Variants in AR observed in about 807,000 individuals in gnomAD.
AR encodes androgen receptor.
In AR, 8 loss-of-function variants were observed where a neutral mutation model predicts 53.9. The ratio of observed to expected loss-of-function variants is 0.15; its 90% CI spans 0.09 to 0.27. The LOEUF (loss-of-function observed/expected upper bound fraction) is 0.27, where lower values mean the gene tolerates loss of function less well. Ranked by LOEUF, AR falls within the 10% of genes least tolerant of loss-of-function variation. AR has a pLI of 1.00. For synonymous variants in AR, 359 were observed against 316.4 expected (o/e 1.13, Z -1.43); for missense variants, 639 against 742.5 (o/e 0.86, Z 1.62).
At chrX:67,595,674 C>T (rs1051829346) in intron 1 of AR, among the ~76,000 whole-genome samples, 8 of 106,211 alleles carry the variant, frequency 7.5e-5, no homozygotes, top group Non-Finnish European at 1.5e-4. Context: ...AATAGCCAGG[C>T]GTGATGGTGC....
chrX:67,594,810 G>C (rs950866909), intron 1 of AR, among the ~76,000 whole-genome samples: 8 of 111,243 alleles, frequency 7.2e-5, no homozygotes, highest in African/African-American at 2.6e-4. Flanking sequence ...TTAGCTAGGC[G>C]TTGTGGTACG....
intron 2 of AR, among the ~76,000 whole-genome samples, chrX:67,667,143 T>A (rs1416426127): frequency 1.8e-5 from 2 of 111,913 alleles, no homozygotes; most frequent in Non-Finnish European, 3.8e-5. Context: ...CAGATTAATG[T>A]TCTGGAGAGT....
chrX:67,628,807 G>T (rs952124969), intron 1 of AR, among the ~76,000 whole-genome samples: 18 of 111,380 alleles, frequency 1.6e-4, no homozygotes, highest in Admixed American at 1.2e-3. Context: ...TTAAAATACG[G>T]CCCATCAATA....
At chrX:67,660,628 A>T (rs1926850017) in intron 2 of AR, among the ~76,000 whole-genome samples, 1 of 111,569 alleles carries the variant, frequency 9.0e-6, no homozygotes, top group African/African-American at 3.3e-5. Flanking sequence ...CTTGTAGTAT[A>T]GTTTGAAGTC....
intron 1 of AR, among the ~76,000 whole-genome samples, chrX:67,641,188 T>C (rs1293253815): frequency 2.7e-5 from 3 of 111,867 alleles, no homozygotes; most frequent in Admixed American, 1.9e-4. Flanking sequence ...TTGCCACTTA[T>C]TATTAATAGA....
At chrX:67,658,358 G>A (rs1178481037) in intron 2 of AR, among the ~76,000 whole-genome samples, 1 of 112,243 alleles carries the variant, frequency 8.9e-6, no homozygotes, top group African/African-American at 3.2e-5. Flanking sequence ...AGAAGCAGAG[G>A]AAGGGATAGT....
intron 2 of AR, among the ~76,000 whole-genome samples, chrX:67,675,445 C>A (rs190555643): frequency 4.5e-5 from 5 of 111,725 alleles, no homozygotes; most frequent in African/African-American, 1.6e-4. Flanking sequence ...CCCACAGTGA[C>A]AGGGCTTGCC....
chrX:67,651,301 C>A (rs1360125818), intron 2 of AR, among the ~76,000 whole-genome samples: 1 of 109,185 alleles, frequency 9.2e-6, no homozygotes, highest in Non-Finnish European at 1.9e-5. Context: ...CCCACCTCAG[C>A]CTCCCAAAGT....
At chrX:67,602,751 C>T (rs1923434579) in intron 1 of AR, among the ~76,000 whole-genome samples, 3 of 111,238 alleles carry the variant, frequency 2.7e-5, no homozygotes, top group African/African-American at 9.8e-5. Context: ...TGATTGACAC[C>T]TTGATTTTGG....
intron 3 of AR, among the ~76,000 whole-genome samples, chrX:67,698,520 G>T (rs892259297): frequency 8.9e-6 from 1 of 112,643 alleles, no homozygotes; most frequent in African/African-American, 3.2e-5. Context: ...ACTTGTGAAG[G>T]TATTTGAGTT....
chrX:67,550,664 A>T (rs1436576248), intron 1 of AR, among the ~76,000 whole-genome samples: 3 of 109,404 alleles, frequency 2.7e-5, no homozygotes, highest in Non-Finnish European at 5.7e-5. Context: ...AATAAAAAAA[A>T]AAAAAACCAA....
chrX:67,727,440 T>C lies in AR; in HGVS notation c.*3599T>C, dbSNP rs1219761665. ...TCCATACTCTACTTCTAAATACATA[T>C]AGGCATACATAGCAAGTTTTATTTG... On this transcript the variant is annotated 3_prime_UTR_variant, in exon 8 of 8. Transcript: ENST00000374690. The C allele has an allele frequency of 5.9e-6, 1 of 169,838 alleles. No individual in the cohort carries two copies. The highest frequency in any genetic ancestry group is 1.1e-5 in the Non-Finnish European group (1 of 88,559). 14.0% of individuals were successfully genotyped at this position (169,838 alleles called of 1,213,427 possible). A position where few individuals can be genotyped will look rare whatever the true frequency, so the allele number is the denominator to read the frequency against.
At chrX:67,675,492 C>T (rs953482622) in intron 2 of AR, among the ~76,000 whole-genome samples, 3 of 111,453 alleles carry the variant, frequency 2.7e-5, no homozygotes, top group Non-Finnish European at 3.8e-5. Flanking sequence ...GGACAATTTG[C>T]GTCTGATTAG....
intron 1 of AR, among the ~76,000 whole-genome samples, chrX:67,552,861 T>A (rs886123304): frequency 1.8e-5 from 2 of 112,308 alleles, no homozygotes; most frequent in African/African-American, 6.5e-5. Flanking sequence ...TCTATTTGGA[T>A]CCTTTGCTCA....
intron 3 of AR, chrX:67,694,596 C>T (rs1037105274): frequency 5.8e-5 from 66 of 1,137,124 alleles, no homozygotes; most frequent in East Asian, 1.3e-4. Context: ...CTGTCTTAGG[C>T]ATCTGATTAT....
chrX:67,659,456 G>A (rs1394122658), intron 2 of AR, among the ~76,000 whole-genome samples: 1 of 110,961 alleles, frequency 9.0e-6, no homozygotes, highest in Non-Finnish European at 1.9e-5. Flanking sequence ...CTGTGAGTGA[G>A]AACATGCGGT....
intron 1 of AR, among the ~76,000 whole-genome samples, chrX:67,561,928 GTTTTTTTTTTTTTTTT>G (rs757161392): frequency 2.6e-5 from 2 of 78,271 alleles, no homozygotes; most frequent in East Asian, 7.6e-4. Flanking sequence ...AACGAAAGAG[GTTTTTTTTTTTTTTTT>G]TTTTTTTTTT....
intron 1 of AR, among the ~76,000 whole-genome samples, chrX:67,606,983 G>A (rs1022105986): frequency 1.8e-5 from 2 of 111,893 alleles, no homozygotes; most frequent in Non-Finnish European, 3.8e-5. Context: ...CAACATGCAT[G>A]ACTACAAATA....
chrX:67,698,427 G>A (rs1385613596), intron 3 of AR, among the ~76,000 whole-genome samples: 1 of 112,785 alleles, frequency 8.9e-6, no homozygotes, highest in East Asian at 2.8e-4. Context: ...CTGCCCCTAG[G>A]CAGGGCATCA....
Sources: allele counts gnomAD v4.1 joint callset (sites outside exome capture counted in the v4.1 genomes callset), GRCh38; gene constraint gnomAD v4.1.1; transcripts MANE v1.5; gene names NCBI Gene and HGNC (gene_info 2026-07-23, HGNC 2026-07-21).